The following GALNT17 variants were observed in gnomAD, a reference collection of about 807,000 sequenced individuals.
GALNT17 encodes the protein polypeptide N-acetylgalactosaminyltransferase 17.
Under a neutral mutation model 63.7 loss-of-function variants are expected in GALNT17, and 29 were observed. That is an observed-to-expected ratio of 0.46 (90% confidence interval 0.34 to 0.62). The LOEUF (loss-of-function observed/expected upper bound fraction) is 0.62, where lower values mean the gene tolerates loss of function less well. Among genes scored for constraint, GALNT17 ranks in the 20% least tolerant of loss-of-function variants. GALNT17 has a pLI of 0.01. For missense variants in GALNT17, 603 were observed against 799.6 expected, an observed-to-expected ratio of 0.75 and a Z score of 2.97; for synonymous variants, 305 against 318.3, an observed-to-expected ratio of 0.96 and a Z score of 0.45.
chr7:71,265,118 A>ATATATATATATATATATATTTTTT (rs1390488895), intron 1 of GALNT17, among the ~76,000 whole-genome samples: 3 of 37,448 alleles, frequency 8.0e-5, no homozygotes, highest in East Asian at 5.6e-4. Context: ...ATATATATAT[A>ATATATATATATATATATATTTTTT]TTTTTTTTTT....
chr7:71,548,366 G>A (rs557304261), intron 5 of GALNT17, among the ~76,000 whole-genome samples: 1 of 152,216 alleles, frequency 6.6e-6, no homozygotes, highest in Admixed American at 6.5e-5. Context: ...CTTTTTTTAT[G>A]CTTTCTTGCC....
In GALNT17 at chr7:71,693,817, GT is replaced by G. The variant is rs1271785922; in HGVS notation, c.1500+16513del. Among the ~76,000 whole-genome samples, 572 of 82,318 alleles carry G rather than the reference GT, an allele frequency of 6.9e-3. 18 individuals are homozygous for G. Among genetic ancestry groups the G allele is most frequent in the Admixed American group, 0.055 (447 of 8,096 alleles). The allele number at this position is 82,318 out of a possible 152,430, so 54.0% of individuals were successfully genotyped here. A position where few individuals can be genotyped will look rare whatever the true frequency, so the allele number is the denominator to read the frequency against. On this transcript the variant is annotated intron_variant, in intron 9 of 10. Transcript: ENST00000333538. ...TATGTACCCCTGCACTTTAAAAAAAGTTAAAAAAAAAAAAAAGAATCTATAG... is the reference window on the plus strand; with the variant it reads ...TATGTACCCCTGCACTTTAAAAAAAGTAAAAAAAAAAAAAAGAATCTATAG...
In GALNT17 at chr7:71,214,237, G is replaced by T. The variant is rs192318421; in HGVS notation, c.238+81197G>T. On this transcript the variant is annotated intron_variant, in intron 1 of 10. Transcript: ENST00000333538. ...TGAATAGTTCCTTCAGGTGCTGGAC[G>T]CACTTAGGTCCTTCTGTTGCAGGTG... 4.6e-5 allele frequency among the ~76,000 whole-genome samples: 7 copies of T among 152,320 alleles called. No individual in the cohort carries two copies. The South Asian group carries it at 1.5e-3, about 32-fold the overall frequency.
intron 3 of GALNT17, among the ~76,000 whole-genome samples, chr7:71,414,613 C>CG (rs1371552530): frequency 1.3e-5 from 2 of 152,140 alleles, no homozygotes; most frequent in Admixed American, 1.3e-4. Context: ...ATTTGATACC[C>CG]GGATGTGGTG....
At chr7:71,521,522 T>G (rs1022441183) in intron 5 of GALNT17, among the ~76,000 whole-genome samples, 2 of 152,218 alleles carry the variant, frequency 1.3e-5, no homozygotes, top group Admixed American at 6.5e-5. Context: ...TGGAGCCTCC[T>G]TGTGCTAATG....
intron 1 of GALNT17, among the ~76,000 whole-genome samples, chr7:71,153,812 G>C (rs923688962): frequency 6.6e-6 from 1 of 152,076 alleles, no homozygotes; most frequent in Non-Finnish European, 1.5e-5. Context: ...AGCTACTCAG[G>C]AGGCTGAGGC....
chr7:71,420,876 A>G, intron 4 of GALNT17, 32 bp from the exon 5 acceptor site: 2 of 1,596,766 alleles, frequency 1.3e-6, no homozygotes, highest in East Asian at 2.2e-5. Context: ...GGGAGAGAAG[A>G]GAGGTTTCAT....
chr7:71,484,597 A>G (rs180753041), intron 5 of GALNT17, among the ~76,000 whole-genome samples: 128 of 152,256 alleles, frequency 8.4e-4, no homozygotes, highest in African/African-American at 2.9e-3. Flanking sequence ...GCATTGTGCT[A>G]TGATGTTATG....
chr7:71,392,991 A>G (rs928654371), intron 3 of GALNT17, among the ~76,000 whole-genome samples: 1 of 152,174 alleles, frequency 6.6e-6, no homozygotes, highest in African/African-American at 2.4e-5. Flanking sequence ...GCCAGACATC[A>G]ATTTTGTGTA....
Position 71,544,761 on chromosome 7 carries a change from T to C in GALNT17, c.963-26524T>C, listed in dbSNP as rs374769429. 8.1e-4 allele frequency among the ~76,000 whole-genome samples: 124 copies of C among 152,248 alleles called. 1 individual carries two copies. In the South Asian group the frequency reaches 0.025, roughly 31 times the overall value. The stretch of plus-strand genomic sequence containing the variant: ...AGGGATGCAGTAGAGAGGAAACTCT[T>C]GGATTCTGAAGATTCCATCTCATTT... On this transcript the variant is annotated intron_variant, in intron 5 of 10. Coordinates refer to ENST00000333538, the MANE Select transcript of GALNT17 (RefSeq NM_022479.3).
chr7:71,339,689 CAA>C (rs34875384), intron 2 of GALNT17, among the ~76,000 whole-genome samples: 4 of 127,040 alleles, frequency 3.1e-5, no homozygotes, highest in Admixed American at 8.2e-5. Context: ...GACTCTGTCT[CAA>C]AAAAAAAAAA....
At chr7:71,320,016 G>A (rs1255992059) in intron 1 of GALNT17, among the ~76,000 whole-genome samples, 1 of 152,174 alleles carries the variant, frequency 6.6e-6, no homozygotes, top group East Asian at 1.9e-4. Flanking sequence ...CTAGTATTTT[G>A]TTGGCTAAAG....
chr7:71,545,936 C>T (rs1487670638), intron 5 of GALNT17, among the ~76,000 whole-genome samples: 1 of 152,134 alleles, frequency 6.6e-6, no homozygotes, highest in Non-Finnish European at 1.5e-5. Flanking sequence ...CATTTCTAGG[C>T]TTGCTGTTTC....
intron 6 of GALNT17, among the ~76,000 whole-genome samples, chr7:71,620,182 T>C (rs1028954198): frequency 5.0e-4 from 76 of 152,226 alleles, no homozygotes; most frequent in African/African-American, 1.4e-3. Flanking sequence ...GCTGCTGAAT[T>C]CAGTTTGCTA....
At chr7:71,637,695 G>T (rs564124981) in intron 6 of GALNT17, among the ~76,000 whole-genome samples, 6 of 152,130 alleles carry the variant, frequency 3.9e-5, no homozygotes, top group Non-Finnish European at 5.9e-5. Context: ...ACATAGCTCA[G>T]CACTGACTTG....
intron 1 of GALNT17, among the ~76,000 whole-genome samples, chr7:71,135,227 T>C (rs1267563615): frequency 1.3e-5 from 2 of 152,086 alleles, no homozygotes; most frequent in African/African-American, 4.8e-5. Flanking sequence ...ATAATAAAAT[T>C]CTATAATAAT....
intron 9 of GALNT17, among the ~76,000 whole-genome samples, chr7:71,708,736 A>G (rs914507214): frequency 1.3e-5 from 2 of 152,042 alleles, no homozygotes; most frequent in African/African-American, 2.4e-5. Flanking sequence ...TGGCATTCCC[A>G]GTGTCTGTAA....
chr7:71,160,403 C>G (rs1323380805), intron 1 of GALNT17, among the ~76,000 whole-genome samples: 1 of 152,178 alleles, frequency 6.6e-6, no homozygotes, highest in Non-Finnish European at 1.5e-5. Context: ...TCTCATGTTG[C>G]TATAGGCAGA....
chr7:71,442,448 C>G (rs1787085396), intron 5 of GALNT17, among the ~76,000 whole-genome samples: 1 of 152,154 alleles, frequency 6.6e-6, no homozygotes, highest in Non-Finnish European at 1.5e-5. Flanking sequence ...ATCTGCCTGC[C>G]TCGGCCTCCC....
Sources: allele counts gnomAD v4.1 joint callset (sites outside exome capture counted in the v4.1 genomes callset), GRCh38; gene constraint gnomAD v4.1.1; transcripts MANE v1.5; gene names NCBI Gene and HGNC (gene_info 2026-07-23, HGNC 2026-07-21).